UBE4B: variants seen among roughly 807,000 people sequenced by gnomAD.
The protein encoded by UBE4B is ubiquitination factor E4B, also known as ubiquitin conjugation factor E4 B.
A neutral mutation model predicts 148.1 loss-of-function variants in UBE4B; 27 were observed. The ratio of observed to expected loss-of-function variants is 0.18; its 90% CI spans 0.13 to 0.25. UBE4B has a LOEUF of 0.25. UBE4B is among the 10% of genes least tolerant of loss of function. UBE4B has a pLI of 1.00. For synonymous variants in UBE4B, 596 were observed against 619.3 expected (o/e 0.96, Z 0.56); for missense variants, 1,170 against 1,662.4 (o/e 0.70, Z 5.15).
chr1:10,177,155 T>C (rs537357955), intron 25 of UBE4B, among the ~76,000 whole-genome samples: 8 of 152,284 alleles, frequency 5.3e-5, no homozygotes, highest in South Asian at 2.1e-4. Flanking sequence ...GGATATATGA[T>C]TTGCAGATAT....
At position 10,038,504 on chromosome 1, in the gene UBE4B, C is replaced by T. The variant is rs116102434; in HGVS notation, c.24+4810C>T. 8.2e-3 allele frequency among the ~76,000 whole-genome samples: 1,246 copies of T among 152,212 alleles called. 21 individuals carry two copies. Among genetic ancestry groups the T allele is most frequent in the African/African-American group, 0.028 (1,181 of 41,532 alleles). ...TTTCCTAATTTTACAAGTCAGGAAACTGGGATTCAGGTTAAGTAACTTGTC... is the reference window on the plus strand; with the variant it reads ...TTTCCTAATTTTACAAGTCAGGAAATTGGGATTCAGGTTAAGTAACTTGTC... On this transcript the variant is annotated intron_variant, in intron 1 of 27. Coordinates refer to ENST00000343090, the MANE Select transcript of UBE4B (RefSeq NM_001105562.3).
chr1:10,107,147 A>G (rs1645126161), intron 7 of UBE4B: 1 of 1,259,956 alleles, frequency 7.9e-7, no homozygotes, highest in Non-Finnish European at 1.0e-6. Flanking sequence ...TTAAAAGGAC[A>G]GCAGTTGCAA....
chr1:10,146,995 T>C lies in UBE4B; in HGVS notation c.2496T>C (p.Ala832=). ...KLVRCKACAD[A]GLLDESFLRR... ...TACGGTGCAAGGCCTGTGCTGATGC[T>C]GGCCTACTTGACGAGAGCTTCCTGA... is the stretch of plus-strand genomic sequence containing the variant. The change falls in exon 19 of 28, where the codon GCT becomes GCC. Residue 832 remains alanine, a synonymous_variant. Coordinates refer to ENST00000343090, the MANE Select transcript of UBE4B (RefSeq NM_001105562.3). 6.2e-7 allele frequency: 1 copy of C among 1,614,144 alleles called. No individual in the cohort carries two copies. The highest frequency in any genetic ancestry group is 1.1e-5 in the South Asian group (1 of 91,068).
chr1:10,063,926 A>T (rs1411162775), intron 1 of UBE4B, among the ~76,000 whole-genome samples: 1 of 151,566 alleles, frequency 6.6e-6, no homozygotes, highest in Non-Finnish European at 1.5e-5. Flanking sequence ...AAAAAAAAAG[A>T]AAAGTACATC....
rs182131511 is a variant in UBE4B at position 10,180,118 on chromosome 1, G to A, written c.*162G>A. 4.8e-3 allele frequency: 3,657 copies of A among 760,296 alleles called. 22 individuals carry two copies. The highest frequency in any genetic ancestry group is 9.3e-3 in the Admixed American group (331 of 35,460). 47.1% of individuals were successfully genotyped at this position (760,296 alleles called of 1,614,324 possible). A position where few individuals can be genotyped will look rare whatever the true frequency, so the allele number is the denominator to read the frequency against. ...CAAACGCTGAGACCTGAAAGGACAT[G>A]GATGAGAAGAGGAGCCCGCTTCCTG... is the stretch of plus-strand genomic sequence containing the variant. On this transcript the variant is annotated 3_prime_UTR_variant, in exon 28 of 28. Coordinates refer to ENST00000343090, the MANE Select transcript of UBE4B (RefSeq NM_001105562.3).
chr1:10,065,498 G>T (rs1409378452), intron 1 of UBE4B, among the ~76,000 whole-genome samples: 1 of 152,158 alleles, frequency 6.6e-6, no homozygotes, highest in African/African-American at 2.4e-5. Flanking sequence ...CCACGCTGCA[G>T]GGGTAGTTTC....
At chr1:10,156,064 A>G (rs1373154132) in intron 21 of UBE4B, among the ~76,000 whole-genome samples, 1 of 151,192 alleles carries the variant, frequency 6.6e-6, no homozygotes, top group Non-Finnish European at 1.5e-5. Context: ...CAGCAAGAAT[A>G]CCTGGGGGGA....
chr1:10,145,093 C>G, intron 18 of UBE4B, 54 bp downstream of exon 18: 1 of 1,428,594 alleles, frequency 7.0e-7, no homozygotes, highest in East Asian at 2.3e-5. Flanking sequence ...GATAATTTTC[C>G]CAACAGAATA....
At chr1:10,050,878 C>CTA (rs1234872277) in intron 1 of UBE4B, among the ~76,000 whole-genome samples, 2 of 152,056 alleles carry the variant, frequency 1.3e-5, no homozygotes, top group Non-Finnish European at 2.9e-5. Flanking sequence ...CCTCCCAATT[C>CTA]TAGTATTGCA....
rs35822677 is a variant in UBE4B, at chr1:10,118,868, C to CTTTTTTTTTTTTTTTT, written c.1339-627_1339-612dup. 1.3e-4 allele frequency among the ~76,000 whole-genome samples: 3 copies of CTTTTTTTTTTTTTTTT among 23,076 alleles called. 1 individual carries two copies. The highest frequency in any genetic ancestry group is 6.4e-4 in the African/African-American group (3 of 4,688). The allele number at this position is 23,076 out of a possible 152,430, so 15.1% of individuals were successfully genotyped here. On this transcript the variant is annotated intron_variant, in intron 8 of 27. Coordinates refer to ENST00000343090, the MANE Select transcript of UBE4B (RefSeq NM_001105562.3). ...GTTTCACCATGTTGGCCAGGCTGGT[C>CTTTTTTTTTTTTTTTT]TTTTTTTTTTTTTTTTTTTTTTTTT...
intron 1 of UBE4B, among the ~76,000 whole-genome samples, chr1:10,051,362 G>A (rs1264541728): frequency 6.6e-6 from 1 of 152,212 alleles, no homozygotes; most frequent in Admixed American, 6.5e-5. Context: ...CTTGGGACAA[G>A]TTAGTTCTCA....
At chr1:10,086,181 C>G (rs1644764025) in intron 2 of UBE4B, among the ~76,000 whole-genome samples, 1 of 152,118 alleles carries the variant, frequency 6.6e-6, no homozygotes, top group Non-Finnish European at 1.5e-5. Flanking sequence ...CCGTGTTAGC[C>G]AGGATGGTCT....
intron 1 of UBE4B, among the ~76,000 whole-genome samples, chr1:10,046,732 A>G (rs112449674): frequency 0.012 from 1,888 of 152,248 alleles, 9 homozygotes; most frequent in Middle Eastern, 0.027. Flanking sequence ...ATTGGAGGCT[A>G]TCCTTTTTGT....
At chr1:10,114,576 A>G (rs1017213180) in intron 7 of UBE4B, among the ~76,000 whole-genome samples, 2 of 152,112 alleles carry the variant, frequency 1.3e-5, no homozygotes, top group African/African-American at 4.8e-5. Context: ...TAAAGACACA[A>G]TAATTGGCCA....
intron 2 of UBE4B, among the ~76,000 whole-genome samples, chr1:10,076,813 C>T (rs1644592005): frequency 1.5e-5 from 2 of 135,440 alleles, no homozygotes; most frequent in Admixed American, 1.7e-4. Flanking sequence ...ATGGCATGAT[C>T]TCGACTCTCT....
intron 1 of UBE4B, among the ~76,000 whole-genome samples, chr1:10,062,738 C>T (rs952051618): frequency 5.3e-5 from 8 of 152,136 alleles, no homozygotes; most frequent in Non-Finnish European, 1.0e-4. Context: ...AAGTGGATCA[C>T]CTGAGGTCAG....
intron 2 of UBE4B, among the ~76,000 whole-genome samples, chr1:10,075,108 T>G (rs1644556177): frequency 6.6e-6 from 1 of 152,200 alleles, no homozygotes; most frequent in Non-Finnish European, 1.5e-5. Context: ...GGCCAGATAG[T>G]AAATATTTTT....
chr1:10,050,070 T>C (rs1255375936), intron 1 of UBE4B, among the ~76,000 whole-genome samples: 1 of 152,118 alleles, frequency 6.6e-6, no homozygotes, highest in Non-Finnish European at 1.5e-5. Context: ...TGCTTGCTGA[T>C]CTGAAAGGCT....
intron 7 of UBE4B, among the ~76,000 whole-genome samples, chr1:10,109,361 A>C (rs1309144818): frequency 1.3e-5 from 2 of 152,034 alleles, no homozygotes; most frequent in Non-Finnish European, 2.9e-5. Context: ...GTTCCTTACT[A>C]CTGTTTTTGC....
Sources: gnomAD v4.1 joint callset for allele counts (sites outside exome capture counted in the v4.1 genomes callset) on GRCh38, gnomAD v4.1.1 for gene constraint, MANE v1.5 for transcripts, NCBI Gene and HGNC (gene_info 2026-07-23, HGNC 2026-07-21) for gene names.